PDE1C: variants seen among roughly 807,000 people sequenced by gnomAD.
PDE1C encodes dual specificity calcium/calmodulin-dependent 3',5'-cyclic nucleotide phosphodiesterase 1C.
In PDE1C, 62 loss-of-function variants were observed where a neutral mutation model predicts 93.1. That is an observed-to-expected ratio of 0.67 (90% CI 0.54 to 0.82). The LOEUF (loss-of-function observed/expected upper bound fraction) is 0.82, where lower values mean the gene tolerates loss of function less well. PDE1C is among the 40% of genes least tolerant of loss of function. PDE1C has a pLI of 0.00. For missense variants in PDE1C, 742 were observed against 884.6 expected (o/e 0.84, Z 2.04); for synonymous variants, 325 against 310.1 (o/e 1.05, Z -0.50).
At chr7:32,060,617 G>T (rs1458326366) in intron 1 of PDE1C, among the ~76,000 whole-genome samples, 2 of 152,150 alleles carry the variant, frequency 1.3e-5, no homozygotes, top group Non-Finnish European at 2.9e-5. Flanking sequence ...ACTGAAATCA[G>T]ATGAGCATTG....
intron 2 of PDE1C, among the ~76,000 whole-genome samples, chr7:31,945,854 ATT>A (rs1270108587): frequency 6.6e-5 from 10 of 151,754 alleles, no homozygotes; most frequent in Non-Finnish European, 1.5e-4. Context: ...GTTTTGTTCC[ATT>A]TTTTTCCATT....
At chr7:32,105,627 T>G (rs1184572032) in intron 3 of PDE1C, among the ~76,000 whole-genome samples, 2 of 151,702 alleles carry the variant, frequency 1.3e-5, no homozygotes, top group Non-Finnish European at 2.9e-5. Context: ...AGCCTGGATC[T>G]CCTAAACTCA....
At chr7:31,885,787 A>C (rs1797791358) in intron 2 of PDE1C, among the ~76,000 whole-genome samples, 1 of 152,210 alleles carries the variant, frequency 6.6e-6, no homozygotes, top group Admixed American at 6.5e-5. Context: ...ATAATTTAGA[A>C]AACTGCCTTA....
chr7:31,656,200 T>C, the PDE1C span: 166,926 of 220,308 alleles, frequency 0.76, 63,438 homozygotes, highest in East Asian at 0.82. Flanking sequence ...ATATCTTCTC[T>C]AGTAAACTTA....
chr7:31,647,435 G>A, the PDE1C span, among the ~76,000 whole-genome samples: 9 of 152,084 alleles, frequency 5.9e-5, no homozygotes, highest in African/African-American at 2.2e-4. Flanking sequence ...GCCAAGATGG[G>A]TGGATCACCT....
At chr7:32,388,279 A>C (rs1236672000) in intron 1 of PDE1C, among the ~76,000 whole-genome samples, 1 of 152,222 alleles carries the variant, frequency 6.6e-6, no homozygotes, top group African/African-American at 2.4e-5. Flanking sequence ...AAATGATCAG[A>C]GGTCAGGAAC....
chr7:31,807,467 C>T (rs879745232), intron 16 of PDE1C, among the ~76,000 whole-genome samples: 15 of 151,732 alleles, frequency 9.9e-5, no homozygotes, highest in African/African-American at 1.7e-4. Context: ...TTACAAAGGG[C>T]GCAGTTAAAA....
chr7:31,872,034 C>T (rs1796007413), intron 6 of PDE1C, among the ~76,000 whole-genome samples: 1 of 50,704 alleles, frequency 2.0e-5, no homozygotes, highest in African/African-American at 7.7e-5. Context: ...TAATGGAATA[C>T]TATTCGGCCA....
At chr7:32,018,822 G>A (rs1788260332) in intron 2 of PDE1C, among the ~76,000 whole-genome samples, 1 of 152,076 alleles carries the variant, frequency 6.6e-6, no homozygotes. Flanking sequence ...TTATAGTATT[G>A]AATTGTATCT....
At chr7:31,890,465 C>T (rs139079435) in intron 2 of PDE1C, among the ~76,000 whole-genome samples, 7 of 152,266 alleles carry the variant, frequency 4.6e-5, no homozygotes, top group Non-Finnish European at 8.8e-5. Flanking sequence ...TGCCTAGACA[C>T]GTCAAGACAC....
chr7:31,704,847 C>T, the PDE1C span, among the ~76,000 whole-genome samples: 1 of 152,100 alleles, frequency 6.6e-6, no homozygotes, highest in African/African-American at 2.4e-5. Context: ...CCTCTGCTTC[C>T]CCTGAAAGCA....
At chr7:31,855,722 A>G (rs1206369732) in intron 7 of PDE1C, among the ~76,000 whole-genome samples, 1 of 148,202 alleles carries the variant, frequency 6.7e-6, no homozygotes, top group African/African-American at 2.4e-5. Flanking sequence ...AAAAAATAAA[A>G]ATAAAAAAAT....
chr7:31,779,907 CCAGGAAGAACATCAGAA>C (rs1783277740), intron 16 of PDE1C, among the ~76,000 whole-genome samples: 1 of 152,140 alleles, frequency 6.6e-6, no homozygotes, highest in East Asian at 1.9e-4. Context: ...CCTCTCATGT[CCAGGAAGAACATCAGAA>C]ACCAGGTGGG....
chr7:32,004,757 T>C (rs1785960933), intron 2 of PDE1C, among the ~76,000 whole-genome samples: 1 of 152,274 alleles, frequency 6.6e-6, no homozygotes, highest in Non-Finnish European at 1.5e-5. Flanking sequence ...TAAATTGTGC[T>C]TTTATTTCTT....
At chr7:31,695,023 C>T in the PDE1C span, among the ~76,000 whole-genome samples, 1 of 152,148 alleles carries the variant, frequency 6.6e-6, no homozygotes, top group Non-Finnish European at 1.5e-5. Context: ...GAGAAATTCA[C>T]TGAGGACCGA....
chr7:32,071,161 G>T (rs116466969), upstream of PDE1C: 4,019 of 985,428 alleles, frequency 4.1e-3, 149 homozygotes, highest in African/African-American at 0.065. Flanking sequence ...GGCAGCCGCG[G>T]CCACCACCGA....
intron 1 of PDE1C, among the ~76,000 whole-genome samples, chr7:32,230,924 C>T (rs2128861958): frequency 6.6e-6 from 1 of 152,254 alleles, no homozygotes; most frequent in Non-Finnish European, 1.5e-5. Flanking sequence ...TGGTACTCTT[C>T]CATTATAATT....
chr7:32,299,427 A>G, upstream of PDE1C: 1 of 985,476 alleles, frequency 1.0e-6, no homozygotes, highest in South Asian at 4.7e-5. Context: ...CCAGGAAGGT[A>G]ATTGTCAAAG....
intron 1 of PDE1C, among the ~76,000 whole-genome samples, chr7:32,232,389 A>G (rs1807765964): frequency 1.3e-5 from 2 of 152,164 alleles, no homozygotes; most frequent in East Asian, 1.9e-4. Context: ...GCAATCCCCT[A>G]AGATACTGAA....
Sources: allele counts gnomAD v4.1 joint callset (sites outside exome capture counted in the v4.1 genomes callset), GRCh38; gene constraint gnomAD v4.1.1; transcripts MANE v1.5; gene names NCBI Gene and HGNC (gene_info 2026-07-23, HGNC 2026-07-21).